The following FIGN variants were observed in gnomAD, a reference collection of about 807,000 sequenced individuals.
FIGN encodes the protein fidgetin, microtubule severing factor, also known as fidgetin.
FIGN carries 11 observed loss-of-function variants against 51.3 expected under a neutral mutation model. The observed-to-expected ratio is 0.21, with a 90% CI of 0.13 to 0.35. The LOEUF (loss-of-function observed/expected upper bound fraction) is 0.35, where lower values mean the gene tolerates loss of function less well. Ranked by LOEUF, FIGN falls within the 10% of genes least tolerant of loss-of-function variation. FIGN has a pLI of 1.00. For missense variants in FIGN, 857 were observed against 943.6 expected (o/e 0.91, Z 1.20); for synonymous variants, 407 against 363.2 (o/e 1.12, Z -1.37).
chr2:163,664,051 C>T (rs1212865770), intron 2 of FIGN, among the ~76,000 whole-genome samples: 1 of 152,082 alleles, frequency 6.6e-6, no homozygotes, highest in African/African-American at 2.4e-5. Context: ...GCTCTATACT[C>T]ATCCTGAAAA....
intron 2 of FIGN, among the ~76,000 whole-genome samples, chr2:163,615,278 C>T (rs553837836): frequency 1.2e-4 from 18 of 152,244 alleles, no homozygotes; most frequent in Middle Eastern, 6.8e-3. Context: ...GAGAATTTAT[C>T]CAGTGCTTTA....
Position 163,607,573 on chromosome 2 carries a change from T to A in FIGN, c.*1979A>T, listed in dbSNP as rs1691135988. 6.6e-6 allele frequency: 1 copy of A among 152,414 alleles called. No individual in the cohort carries two copies. The highest frequency in any genetic ancestry group is 1.5e-5 in the Non-Finnish European group (1 of 68,002). 9.4% of individuals were successfully genotyped at this position (152,414 alleles called of 1,614,324 possible). A position where few individuals can be genotyped will look rare whatever the true frequency, so the allele number is the denominator to read the frequency against. On this transcript the variant is annotated 3_prime_UTR_variant, in exon 3 of 3. Transcript: ENST00000333129. The stretch of plus-strand genomic sequence containing the variant: ...AATTGGATATTGTGGATAAGATCGG[T>A]AAAAATTTTTGTAAGAAAAAAAAAA...
rs1449445962 is a variant in FIGN, at chr2:163,611,716, A to T, written c.116T>A (p.Val39Asp). 1 of 1,614,176 alleles carries T rather than the reference A, an allele frequency of 6.2e-7. No homozygotes were observed. The highest frequency in any genetic ancestry group is 1.7e-5 in the Admixed American group (1 of 60,024). ...TSTTRSPAHKVEAYRGHLQRT... is the reference protein window; with the variant it reads ...TSTTRSPAHKDEAYRGHLQRT... Reference sequence around the variant, plus strand: ...CTGCAGATGACCTCTGTAGGCTTCAACTTTGTGGGCAGGAGACCGAGTGGT... The same window carrying T: ...CTGCAGATGACCTCTGTAGGCTTCATCTTTGTGGGCAGGAGACCGAGTGGT... The change falls in exon 3 of 3, where the codon GTT becomes GAT. Residue 39 changes from valine to aspartate, a missense_variant. Transcript: ENST00000333129.
At position 163,611,335 on chromosome 2, in the gene FIGN, C is replaced by T. The variant is rs775473694; in HGVS notation, c.497G>A (p.Ser166Asn). The T allele has an allele frequency of 1.9e-6, 3 of 1,614,024 alleles. No homozygotes were observed. The African/African-American group carries it at 4.0e-5, about 22-fold the overall frequency. Residue 166 changes from serine (S) to asparagine (N), a missense_variant, in exon 3 of 3, where the codon AGT (serine) becomes AAT (asparagine). By Grantham distance (46) the Ser-to-Asn change is conservative (BLOSUM62 1). Coordinates refer to ENST00000333129, the MANE Select transcript of FIGN (RefSeq NM_018086.4). ...GGGTACAGTGTGGCTTCCACAGGTACTACTTGAATAACTAGGTTCTGTCAG... is the reference window on the plus strand; with the variant it reads ...GGGTACAGTGTGGCTTCCACAGGTATTACTTGAATAACTAGGTTCTGTCAG... ...SNLTEPSYSS[S>N]TCGSHTVPSL...
chr2:163,642,843 AC>A (rs1683324227), intron 2 of FIGN, among the ~76,000 whole-genome samples: 2 of 152,340 alleles, frequency 1.3e-5, no homozygotes, highest in East Asian at 1.9e-4. Context: ...TCAGTAAAAA[AC>A]ATATACTCTG....
At chr2:163,721,158 A>T (rs897678945) in intron 2 of FIGN, among the ~76,000 whole-genome samples, 3 of 152,146 alleles carry the variant, frequency 2.0e-5, no homozygotes, top group Non-Finnish European at 4.4e-5. Context: ...GTAAAGGAAA[A>T]TGGGTGCATT....
At position 163,629,591 on chromosome 2, in the gene FIGN, G is replaced by A. The variant is rs747059851; in HGVS notation, c.26-17785C>T. Among the ~76,000 whole-genome samples, 140 of 152,220 alleles carry A rather than the reference G, an allele frequency of 9.2e-4. 2 individuals carry two copies. The highest frequency in any genetic ancestry group is 9.3e-4 in the Non-Finnish European group (63 of 68,010). On this transcript the variant is annotated intron_variant, in intron 2 of 2. Transcript: ENST00000333129. ...TAGTCAGTAAACTACGTCAAATCTA[G>A]CAGGCCAAATCCAGTGTGATATCTT...
At chr2:163,670,190 A>G (rs147421817) in intron 2 of FIGN, among the ~76,000 whole-genome samples, 1 of 152,188 alleles carries the variant, frequency 6.6e-6, no homozygotes, top group Non-Finnish European at 1.5e-5. Flanking sequence ...TTTAAATTTT[A>G]GCTGCCACAA....
At chr2:163,732,383 GAAAC>G (rs1422602428) in intron 2 of FIGN, among the ~76,000 whole-genome samples, 3 of 151,050 alleles carry the variant, frequency 2.0e-5, no homozygotes, top group Non-Finnish European at 2.9e-5. Context: ...ATGAAGATAA[GAAAC>G]AAGCATGAAG....
At chr2:163,620,876 T>TGTGTG (rs1015486876) in intron 2 of FIGN, among the ~76,000 whole-genome samples, 2 of 151,204 alleles carry the variant, frequency 1.3e-5, no homozygotes, top group Admixed American at 1.3e-4. Flanking sequence ...TGTGTGTGTG[T>TGTGTG]GTGTTCCATT....
At chr2:163,633,539 A>T (rs905271523) in intron 2 of FIGN, among the ~76,000 whole-genome samples, 3 of 152,124 alleles carry the variant, frequency 2.0e-5, no homozygotes, top group Non-Finnish European at 4.4e-5. Flanking sequence ...TGTTTCAGGG[A>T]TATTGCTGCC....
Position 163,609,711 on chromosome 2 carries a change from G to A in FIGN, c.2121C>T (p.Ala707=). 6.2e-7 allele frequency: 1 copy of A among 1,614,030 alleles called. No individual in the cohort carries two copies. The highest frequency in any genetic ancestry group is 1.1e-5 in the South Asian group (1 of 91,080). Reference sequence around the variant, plus strand: ...TGGCTGAAAGGTCTGTGGCTGGCATGGCATGGAGGGGGCCCACCACTGCTT... The same window carrying A: ...TGGCTGAAAGGTCTGTGGCTGGCATAGCATGGAGGGGGCCCACCACTGCTT... ...CQEAVVGPLH[A]MPATDLSAIM... The change falls in exon 3 of 3, where the codon GCC becomes GCT. Residue 707 remains alanine (A), a synonymous_variant. Transcript: ENST00000333129.
intron 2 of FIGN, among the ~76,000 whole-genome samples, chr2:163,726,969 A>T (rs1339866330): frequency 6.6e-6 from 1 of 152,076 alleles, no homozygotes; most frequent in Admixed American, 6.6e-5. Flanking sequence ...TCTTAAGGGA[A>T]CCTTTTTTAT....
In FIGN at chr2:163,609,297, G is replaced by A. The variant is rs1423218766; in HGVS notation, c.*255C>T. 4 of 446,618 alleles carry A rather than the reference G, an allele frequency of 9.0e-6. No homozygotes were observed. The highest frequency in any genetic ancestry group is 6.0e-4 in the Middle Eastern group (1 of 1,656). The allele number at this position is 446,618 out of a possible 1,614,324, so 27.7% of individuals were successfully genotyped here. ...CAACACACTTGCACCTTGCTCCTTG[G>A]TGAGTGTTGTCTAGCTTGAACAGAA... On this transcript the variant is annotated 3_prime_UTR_variant, in exon 3 of 3. Transcript: ENST00000333129.
In FIGN at chr2:163,603,090, T is replaced by C. The variant is rs1691006554; in HGVS notation, c.*6462A>G. The C allele has an allele frequency of 6.6e-6, 1 of 152,128 alleles. No homozygotes were observed. Among genetic ancestry groups the C allele is most frequent in the South Asian group, 2.1e-4 (1 of 4,836 alleles). 9.4% of individuals were successfully genotyped at this position (152,128 alleles called of 1,614,324 possible). A position where few individuals can be genotyped will look rare whatever the true frequency, so the allele number is the denominator to read the frequency against. On this transcript the variant is annotated 3_prime_UTR_variant, in exon 3 of 3. Transcript: ENST00000333129. ...TTACATTAATAATGTTCACAAATTATATGAATTCATTTTGCAAGTGATGGA... is the reference window on the plus strand; with the variant it reads ...TTACATTAATAATGTTCACAAATTACATGAATTCATTTTGCAAGTGATGGA...
intron 2 of FIGN, among the ~76,000 whole-genome samples, chr2:163,662,445 T>A (rs923260840): frequency 6.6e-6 from 1 of 152,190 alleles, no homozygotes; most frequent in African/African-American, 2.4e-5. Flanking sequence ...GAAAAACTCA[T>A]CTTTTGAGGA....
intron 2 of FIGN, among the ~76,000 whole-genome samples, chr2:163,641,250 T>C (rs1683301614): frequency 6.6e-6 from 1 of 152,218 alleles, no homozygotes; most frequent in Non-Finnish European, 1.5e-5. Context: ...AAAGCTAGAA[T>C]TGTGCAGTTT....
At chr2:163,695,013 G>T (rs138547894) in intron 2 of FIGN, among the ~76,000 whole-genome samples, 1 of 151,630 alleles carries the variant, frequency 6.6e-6, no homozygotes, top group Non-Finnish European at 1.5e-5. Flanking sequence ...TGCACTTTCC[G>T]CCCCCCTCCT....
At chr2:163,683,508 T>A (rs1033861555) in intron 2 of FIGN, among the ~76,000 whole-genome samples, 10 of 152,186 alleles carry the variant, frequency 6.6e-5, no homozygotes, top group Admixed American at 5.9e-4. Context: ...AGAGGGAGAA[T>A]CTGCAGAACT....
Sources: gnomAD v4.1 joint callset for allele counts (sites outside exome capture counted in the v4.1 genomes callset) on GRCh38, gnomAD v4.1.1 for gene constraint, MANE v1.5 for transcripts, NCBI Gene and HGNC (gene_info 2026-07-23, HGNC 2026-07-21) for gene names.